TMEM132C: variants seen among roughly 807,000 people sequenced by gnomAD.
TMEM132C encodes the protein transmembrane protein 132C.
TMEM132C carries 29 observed loss-of-function variants against 61.4 expected under a neutral mutation model. That is an observed-to-expected ratio of 0.47 (90% CI 0.35 to 0.64). TMEM132C has a LOEUF of 0.64. TMEM132C is among the 30% of genes least tolerant of loss of function. The pLI is 0.00. For synonymous variants in TMEM132C, 656 were observed against 633.1 expected, an observed-to-expected ratio of 1.04 and a Z score of -0.54; for missense variants, 1,408 against 1,476.9, an observed-to-expected ratio of 0.95 and a Z score of 0.76.
intron 4 of TMEM132C, among the ~76,000 whole-genome samples, chr12:128,649,530 T>C (rs770478979): frequency 1.3e-5 from 2 of 152,234 alleles, no homozygotes; most frequent in Non-Finnish European, 2.9e-5. Context: ...TTCACCTCTT[T>C]CATAATACTG....
chr12:128,322,273 A>T (rs912683391), intron 1 of TMEM132C, among the ~76,000 whole-genome samples: 3 of 152,222 alleles, frequency 2.0e-5, no homozygotes, highest in Admixed American at 2.0e-4. Context: ...CAGCTGAAAG[A>T]CAACTCTGCT....
chr12:128,532,838 G>A (rs954144709), intron 2 of TMEM132C, among the ~76,000 whole-genome samples: 3 of 152,014 alleles, frequency 2.0e-5, no homozygotes, highest in African/African-American at 7.2e-5. Context: ...ATGAGGCCTG[G>A]GTGGCCATGC....
At chr12:128,451,338 A>T (rs899286341) in intron 2 of TMEM132C, among the ~76,000 whole-genome samples, 3 of 152,228 alleles carry the variant, frequency 2.0e-5, no homozygotes, top group African/African-American at 7.2e-5. Flanking sequence ...GAAAGAAAAG[A>T]CACAAGCATC....
intron 1 of TMEM132C, among the ~76,000 whole-genome samples, chr12:128,322,596 C>T (rs903038124): frequency 3.3e-5 from 5 of 152,332 alleles, no homozygotes; most frequent in African/African-American, 4.8e-5. Flanking sequence ...TTCATCTTTT[C>T]GCACGCCCGT....
chr12:128,387,150 A>C (rs1178193557), intron 1 of TMEM132C, among the ~76,000 whole-genome samples: 2 of 151,560 alleles, frequency 1.3e-5, no homozygotes, highest in African/African-American at 4.8e-5. Flanking sequence ...CAAAAAAAAA[A>C]AAAAAAAAAA....
intron 2 of TMEM132C, among the ~76,000 whole-genome samples, chr12:128,470,855 G>C (rs374506865): frequency 2.6e-4 from 39 of 152,296 alleles, no homozygotes; most frequent in Middle Eastern, 3.4e-3. Flanking sequence ...TGAATGTGCT[G>C]TGTGCCAATA....
At chr12:128,473,235 T>TTTC (rs1871014891) in intron 2 of TMEM132C, among the ~76,000 whole-genome samples, 2 of 11,898 alleles carry the variant, frequency 1.7e-4, no homozygotes, top group South Asian at 2.0e-3. Flanking sequence ...TCTTTGTCCT[T>TTTC]ACTCCAGCGT....
chr12:128,414,836 C>T lies in TMEM132C; in HGVS notation c.190C>T (p.Leu64Phe). The change falls in exon 2 of 9, where the codon CTC becomes TTC. Residue 64 changes from leucine (L) to phenylalanine (F), a missense_variant. By Grantham distance (22) the Leu-to-Phe change is conservative. Coordinates refer to ENST00000435159, the MANE Select transcript of TMEM132C (RefSeq NM_001136103.3). Reference sequence around the variant, plus strand: ...CCTCAGAGCAGAGACCTCCTTCTTCCTCAAGGAAGCCAACCAGGACCTGCT... The same window carrying T: ...CCTCAGAGCAGAGACCTCCTTCTTCTTCAAGGAAGCCAACCAGGACCTGCT... ...HILRAETSFF[L>F]KEANQDLLRN... 1 of 1,548,112 alleles carries T rather than the reference C, an allele frequency of 6.5e-7. No homozygotes were observed. Among genetic ancestry groups the T allele is most frequent in the South Asian group, 1.2e-5 (1 of 84,062 alleles).
At chr12:128,449,130 C>CT (rs1565939710) in intron 2 of TMEM132C, among the ~76,000 whole-genome samples, 1 of 104,714 alleles carries the variant, frequency 9.5e-6, no homozygotes, top group East Asian at 2.6e-4. Flanking sequence ...GAGCGAGACT[C>CT]TGTCTCAAAA....
chr12:128,422,791 G>C (rs1005637129), intron 2 of TMEM132C, among the ~76,000 whole-genome samples: 27 of 152,266 alleles, frequency 1.8e-4, no homozygotes, highest in Admixed American at 1.4e-3. Flanking sequence ...AGTAGAAAAA[G>C]TCCAGTAGCA....
chr12:128,607,766 T>C (rs1876478883), intron 3 of TMEM132C, among the ~76,000 whole-genome samples: 1 of 152,142 alleles, frequency 6.6e-6, no homozygotes, highest in South Asian at 2.1e-4. Context: ...TTTGGGCGTG[T>C]TAGGTATGCA....
chr12:128,480,569 C>A (rs1010618147), intron 2 of TMEM132C, among the ~76,000 whole-genome samples: 4 of 152,144 alleles, frequency 2.6e-5, no homozygotes, highest in African/African-American at 9.7e-5. Context: ...CTGCAGTCCC[C>A]GTTGCTGCAG....
At chr12:128,451,592 A>T (rs534190599) in intron 2 of TMEM132C, among the ~76,000 whole-genome samples, 1 of 152,360 alleles carries the variant, frequency 6.6e-6, no homozygotes, top group African/African-American at 2.4e-5. Context: ...TAAATACACC[A>T]TCAAAAATGT....
rs1056617195 is a variant in TMEM132C at position 128,543,953 on chromosome 12, A to G, written c.975-4A>G. 9.7e-6 allele frequency: 15 copies of G among 1,544,002 alleles called. No individual in the cohort carries two copies. The highest frequency in any genetic ancestry group is 4.1e-5 in the African/African-American group (3 of 72,684). ...CTCTCTCTCTCCCATCTTCATCCCCACAGAGCCAAGGTGAAGAAGGGGGTG... is the reference window on the plus strand; with the variant it reads ...CTCTCTCTCTCCCATCTTCATCCCCGCAGAGCCAAGGTGAAGAAGGGGGTG... On this transcript the variant is annotated splice_region_variant and splice_polypyrimidine_tract_variant and intron_variant, in intron 2 of 8. Coordinates refer to ENST00000435159, the MANE Select transcript of TMEM132C (RefSeq NM_001136103.3).
intron 2 of TMEM132C, among the ~76,000 whole-genome samples, chr12:128,482,950 G>T (rs999965374): frequency 6.6e-6 from 1 of 151,946 alleles, no homozygotes; most frequent in Non-Finnish European, 1.5e-5. Flanking sequence ...ATAAAATAAA[G>T]AATGCTTGCT....
intron 2 of TMEM132C, among the ~76,000 whole-genome samples, chr12:128,491,704 G>A (rs1326764122): frequency 6.6e-6 from 1 of 152,040 alleles, no homozygotes; most frequent in Non-Finnish European, 1.5e-5. Context: ...TTCCTCTTTG[G>A]CTACCGCTCC....
At chr12:128,470,352 G>A (rs1870908540) in intron 2 of TMEM132C, among the ~76,000 whole-genome samples, 1 of 152,194 alleles carries the variant, frequency 6.6e-6, no homozygotes, top group Admixed American at 6.5e-5. Flanking sequence ...TCCTAGACCA[G>A]TTTTCAGTGT....
In TMEM132C at chr12:128,339,837, C is replaced by T. The variant is rs372488989; in HGVS notation, c.85+72350C>T. ...TGTGGGCAGCTTCAGGCCACACCTC[C>T]GGGATATCAACCAGGGGCTCACACA... is the stretch of plus-strand genomic sequence containing the variant. On this transcript the variant is annotated intron_variant, in intron 1 of 8. Transcript: ENST00000435159. Among the ~76,000 whole-genome samples, 25 of 152,246 alleles carry T rather than the reference C, an allele frequency of 1.6e-4. No homozygotes were observed. In the South Asian group the frequency reaches 4.6e-3, roughly 28 times the overall value.
At chr12:128,393,316 A>G (rs916343200) in intron 1 of TMEM132C, among the ~76,000 whole-genome samples, 1 of 152,164 alleles carries the variant, frequency 6.6e-6, no homozygotes, top group Admixed American at 6.5e-5. Context: ...TCCCAACTTC[A>G]TGGGACCCTT....
Sources: gnomAD v4.1 joint callset for allele counts (sites outside exome capture counted in the v4.1 genomes callset) on GRCh38, gnomAD v4.1.1 for gene constraint, MANE v1.5 for transcripts, NCBI Gene and HGNC (gene_info 2026-07-23, HGNC 2026-07-21) for gene names.